CHODL: variants seen among roughly 807,000 people sequenced by gnomAD.
The protein encoded by CHODL is chondrolectin.
In CHODL, 29 loss-of-function variants were observed where a neutral mutation model predicts 34.5. The observed-to-expected ratio is 0.84, with a 90% CI of 0.63 to 1.15. The LOEUF (loss-of-function observed/expected upper bound fraction) is 1.15, where lower values mean the gene tolerates loss of function less well. CHODL is among the 50% of genes most tolerant of loss of function. The pLI is 0.00. For missense variants in CHODL, 332 were observed against 332.5 expected, an observed-to-expected ratio of 1.00 and a Z score of 0.01; for synonymous variants, 125 against 116.1, an observed-to-expected ratio of 1.08 and a Z score of -0.49.
intron 2 of CHODL, among the ~76,000 whole-genome samples, chr21:18,063,918 T>G (rs1321085245): frequency 6.6e-6 from 1 of 152,198 alleles, no homozygotes; most frequent in Non-Finnish European, 1.5e-5. Context: ...CTTTCTACTC[T>G]GTTCCTCAGT....
intron 1 of CHODL, among the ~76,000 whole-genome samples, chr21:17,962,759 A>T (rs1400160253): frequency 6.6e-6 from 1 of 152,166 alleles, no homozygotes; most frequent in East Asian, 1.9e-4. Context: ...TCTAGTGAGA[A>T]TTATTAAGAA....
intron 1 of CHODL, among the ~76,000 whole-genome samples, chr21:17,990,752 T>C (rs112523148): frequency 3.3e-4 from 51 of 152,250 alleles, no homozygotes; most frequent in African/African-American, 1.2e-3. Context: ...ATACATACAA[T>C]GTATAATAAT....
chr21:18,077,570 T>C lies in CHODL; in HGVS notation c.-45+49599T>C, dbSNP rs190458304. ...GTGATTGTATTAGGAGGTGGAATCTTTGGGAAGTAATTAGGTCATGGGGAT... is the reference window on the plus strand; with the variant it reads ...GTGATTGTATTAGGAGGTGGAATCTCTGGGAAGTAATTAGGTCATGGGGAT... On this transcript the variant is annotated intron_variant, in intron 2 of 6. Transcript: ENST00000400127. Among the ~76,000 whole-genome samples, 12 of 152,236 alleles carry C rather than the reference T, an allele frequency of 7.9e-5. No individual in the cohort carries two copies. The East Asian group carries it at 1.9e-3, about 25-fold the overall frequency.
chr21:18,162,650 T>C (rs1041013502), intron 2 of CHODL, among the ~76,000 whole-genome samples: 1 of 152,202 alleles, frequency 6.6e-6, no homozygotes, highest in Non-Finnish European at 1.5e-5. Flanking sequence ...CATTTGAATG[T>C]GAAGTAGAAG....
At chr21:18,240,114 G>C (rs562450374), upstream of CHODL, among the ~76,000 whole-genome samples, 3 of 151,872 alleles carry the variant, frequency 2.0e-5, no homozygotes, top group African/African-American at 7.2e-5. Flanking sequence ...TTCAGACCCC[G>C]CATAATAGCA....
At chr21:18,231,726 C>A (rs2073980740) in intron 2 of CHODL, among the ~76,000 whole-genome samples, 1 of 151,896 alleles carries the variant, frequency 6.6e-6, no homozygotes, top group Admixed American at 6.6e-5. Context: ...CTTTCTTTTC[C>A]GTCTGTTTGC....
chr21:17,947,086 C>T lies in CHODL; in HGVS notation c.-145+29686C>T, dbSNP rs375973611. On this transcript the variant is annotated intron_variant, in intron 1 of 6. Coordinates refer to the CHODL transcript ENST00000400127. ...TACTAGTAAGAGAGTTAGCAACATT[C>T]CAGGATACATCATCTATTAGACCAC... 1.2e-4 allele frequency among the ~76,000 whole-genome samples: 18 copies of T among 151,982 alleles called. No homozygotes were observed. In the South Asian group the frequency reaches 3.5e-3, roughly 30 times the overall value.
chr21:17,996,602 A>G (rs891107308), intron 1 of CHODL, among the ~76,000 whole-genome samples: 3 of 152,210 alleles, frequency 2.0e-5, no homozygotes, highest in African/African-American at 7.2e-5. Context: ...CCGGAAAATC[A>G]TCTCAGAGGG....
chr21:18,124,225 T>G (rs2065515111), intron 2 of CHODL, among the ~76,000 whole-genome samples: 1 of 152,196 alleles, frequency 6.6e-6, no homozygotes, highest in South Asian at 2.1e-4. Context: ...ATATCGTAAG[T>G]CCAGTTTCAG....
intron 1 of CHODL, among the ~76,000 whole-genome samples, chr21:17,950,132 T>A (rs919644580): frequency 2.6e-5 from 4 of 152,030 alleles, no homozygotes; most frequent in Admixed American, 2.0e-4. Context: ...TTGAACTTAT[T>A]AAAACAAAGC....
At chr21:18,196,051 G>T (rs1170815443) in intron 2 of CHODL, among the ~76,000 whole-genome samples, 1 of 151,812 alleles carries the variant, frequency 6.6e-6, no homozygotes, top group African/African-American at 2.4e-5. Context: ...AAGAGTGTTG[G>T]ATCAGAATTA....
intron 2 of CHODL, among the ~76,000 whole-genome samples, chr21:18,230,595 A>C (rs2073969738): frequency 6.6e-6 from 1 of 152,134 alleles, no homozygotes; most frequent in Admixed American, 6.6e-5. Context: ...GGAATATTAG[A>C]AACAAAGTGA....
chr21:18,058,949 C>T (rs562843675), intron 2 of CHODL, among the ~76,000 whole-genome samples: 7 of 152,186 alleles, frequency 4.6e-5, no homozygotes, highest in East Asian at 1.9e-4. Flanking sequence ...CTTTAATTAG[C>T]GCCTATATGA....
intron 2 of CHODL, among the ~76,000 whole-genome samples, chr21:18,158,059 A>G (rs2073054597): frequency 7.2e-6 from 1 of 138,236 alleles, no homozygotes; most frequent in Non-Finnish European, 1.5e-5. Context: ...CAATCTTGCA[A>G]GATTCCAAAA....
intron 2 of CHODL, among the ~76,000 whole-genome samples, chr21:18,067,718 T>C (rs1167379359): frequency 1.3e-5 from 2 of 152,208 alleles, no homozygotes; most frequent in African/African-American, 4.8e-5. Context: ...ATTTGAGAAA[T>C]AAGGATGCCT....
chr21:18,166,864 G>T (rs1601094631), intron 2 of CHODL, among the ~76,000 whole-genome samples: 2 of 152,116 alleles, frequency 1.3e-5, no homozygotes, highest in East Asian at 3.9e-4. Context: ...GTGGAACTGT[G>T]AAGAATTTCC....
chr21:18,152,755 C>T (rs1246923166), intron 2 of CHODL, among the ~76,000 whole-genome samples: 1 of 152,178 alleles, frequency 6.6e-6, no homozygotes, highest in Non-Finnish European at 1.5e-5. Flanking sequence ...GAAGAAGGAT[C>T]GTTCATGGTA....
rs545122625 is a variant in CHODL at position 18,016,335 on chromosome 21, G to A, written c.-144-11537G>A. 2.6e-5 allele frequency among the ~76,000 whole-genome samples: 4 copies of A among 152,354 alleles called. No homozygotes were observed. In the South Asian group the frequency reaches 8.3e-4, roughly 32 times the overall value. On this transcript the variant is annotated intron_variant, in intron 1 of 6. Transcript: ENST00000400127. ...CAGGCTGTTACTTTAGAGGATGCAAGCCGCAAGCCTTGGTGGCTTCCATGT... is the reference window on the plus strand; with the variant it reads ...CAGGCTGTTACTTTAGAGGATGCAAACCGCAAGCCTTGGTGGCTTCCATGT...
chr21:18,248,867 GTA>G lies in CHODL; in HGVS notation c.79+3573_79+3574del, dbSNP rs1010201278. On this transcript the variant is annotated intron_variant, in intron 1 of 5. Transcript: ENST00000299295. ...GTATGTATATATACATTGTATATGT[GTA>G]TATATATGTATTGTACCTATAATAT... Among the ~76,000 whole-genome samples, 67 of 108,646 alleles carry G rather than the reference GTA, an allele frequency of 6.2e-4. 1 individual carries two copies. The highest frequency in any genetic ancestry group is 9.6e-4 in the East Asian group (4 of 4,154). The allele number at this position is 108,646 out of a possible 152,430, so 71.3% of individuals were successfully genotyped here.
Sources: allele counts gnomAD v4.1 joint callset (sites outside exome capture counted in the v4.1 genomes callset), GRCh38; gene constraint gnomAD v4.1.1; transcripts MANE v1.5; gene names NCBI Gene and HGNC (gene_info 2026-07-23, HGNC 2026-07-21).